The following DMD variants were observed in gnomAD, a reference collection of about 807,000 sequenced individuals.
DMD encodes the protein dystrophin.
Under a neutral mutation model 330.1 loss-of-function variants are expected in DMD, and 63 were observed. The observed-to-expected ratio is 0.19, with a 90% CI of 0.16 to 0.24. The LOEUF (loss-of-function observed/expected upper bound fraction) is 0.24, where lower values mean the gene tolerates loss of function less well. Ranked by LOEUF, DMD falls within the 10% of genes least tolerant of loss-of-function variation. DMD has a pLI of 1.00. For synonymous variants in DMD, 1,223 were observed against 959.8 expected, an observed-to-expected ratio of 1.27 and a Z score of -5.07; for missense variants, 3,344 against 2,684.1, an observed-to-expected ratio of 1.25 and a Z score of -5.43.
chrX:31,200,878 T>C (rs2043361921), intron 67 of DMD, among the ~76,000 whole-genome samples: 1 of 111,651 alleles, frequency 9.0e-6, no homozygotes, highest in Non-Finnish European at 1.9e-5. Context: ...AACATGTTTC[T>C]TTCCCTAAAA....
At chrX:32,048,482 A>T (rs2096079823) in intron 44 of DMD, among the ~76,000 whole-genome samples, 1 of 108,337 alleles carries the variant, frequency 9.2e-6, no homozygotes, top group African/African-American at 3.4e-5. Flanking sequence ...CCTTATCCTG[A>T]CTCATTTCTT....
At chrX:32,658,139 C>T (rs1304642100) in intron 9 of DMD, among the ~76,000 whole-genome samples, 1 of 111,061 alleles carries the variant, frequency 9.0e-6, no homozygotes, top group Non-Finnish European at 1.9e-5. Flanking sequence ...ATAAATATTC[C>T]CATGTAGCCC....
At chrX:33,190,887 AT>A (rs2050525872) in intron 1 of DMD, among the ~76,000 whole-genome samples, 2 of 616 alleles carry the variant, frequency 3.2e-3, no homozygotes, top group South Asian at 0.091. Context: ...ATAATATATA[AT>A]ATTATATATT....
Position 32,705,304 on chromosome X carries a change from C to A in DMD, c.650-6011G>T, listed in dbSNP as rs1191070364. Among the ~76,000 whole-genome samples, 4 of 111,981 alleles carry A rather than the reference C, an allele frequency of 3.6e-5. No individual in the cohort carries two copies. In the East Asian group the frequency reaches 1.1e-3, roughly 31 times the overall value. On this transcript the variant is annotated intron_variant, in intron 7 of 78. Coordinates refer to ENST00000357033, the MANE Select transcript of DMD (RefSeq NM_004006.3). ...TTTACCATTTAGTAACAATGCTTCT[C>A]ATTAAAGGACGGTAAAATGTCATAA...
chrX:32,366,049 T>C (rs1413267058), intron 34 of DMD, among the ~76,000 whole-genome samples: 1 of 112,285 alleles, frequency 8.9e-6, no homozygotes, highest in Non-Finnish European at 1.9e-5. Context: ...CTTATTTCTA[T>C]CCACATACCC....
chrX:31,502,279 C>G (rs1390894962), intron 56 of DMD, among the ~76,000 whole-genome samples: 4 of 111,428 alleles, frequency 3.6e-5, no homozygotes, highest in African/African-American at 1.3e-4. Context: ...TGGGAGCTAT[C>G]TCTTTAAATA....
intron 22 of DMD, 85 bp downstream of exon 22, chrX:32,472,079 A>C (rs2040695067): frequency 9.0e-7 from 1 of 1,108,514 alleles, no homozygotes. Context: ...AGAATGACTT[A>C]AATTCTAATA....
In DMD at chrX:33,210,816, C is replaced by G. The variant is rs2051861649; in HGVS notation, c.31+466G>C. Among the ~76,000 whole-genome samples, 3 of 111,528 alleles carry G rather than the reference C, an allele frequency of 2.7e-5. No individual in the cohort carries two copies. In the South Asian group the frequency reaches 1.1e-3, roughly 41 times the overall value. ...TTTTATCCATGATGTGTCAGAGAAA[C>G]TTTTTCTAACTTTTAGGCCTCCATG... On this transcript the variant is annotated intron_variant, in intron 1 of 78. Transcript: ENST00000357033.
chrX:33,074,954 C>A (rs755613316), intron 1 of DMD, among the ~76,000 whole-genome samples: 1 of 111,554 alleles, frequency 9.0e-6, no homozygotes, highest in Non-Finnish European at 1.9e-5. Context: ...TAGCCCTTCC[C>A]CAAAACTCAA....
chrX:33,339,051 A>G (rs779792547), intron 1 of DMD, among the ~76,000 whole-genome samples: 7 of 110,965 alleles, frequency 6.3e-5, no homozygotes, highest in African/African-American at 1.6e-4. Context: ...TGTTTTCCTG[A>G]GGTTGGAGGC....
chrX:31,599,032 G>A (rs887877687), intron 55 of DMD, among the ~76,000 whole-genome samples: 17 of 111,748 alleles, frequency 1.5e-4, no homozygotes, highest in East Asian at 5.6e-4. Flanking sequence ...AGATTTATGC[G>A]ATGTATAGAA....
At chrX:32,865,495 T>A (rs752881512) in intron 2 of DMD, among the ~76,000 whole-genome samples, 4 of 111,225 alleles carry the variant, frequency 3.6e-5, no homozygotes, top group Non-Finnish European at 5.6e-5. Flanking sequence ...AAGGATCAGA[T>A]GAAATAGACG....
At position 32,348,540 on chromosome X, in the gene DMD, G is replaced by C. The variant is rs774823076; in HGVS notation, c.5326-12C>G. 3 of 1,184,584 alleles carry C rather than the reference G, an allele frequency of 2.5e-6. No individual in the cohort carries two copies. The highest frequency in any genetic ancestry group is 6.0e-5 in the East Asian group (2 of 33,141). On this transcript the variant is annotated splice_polypyrimidine_tract_variant and intron_variant, in intron 37 of 78. Coordinates refer to ENST00000357033, the MANE Select transcript of DMD (RefSeq NM_004006.3). Reference sequence around the variant, plus strand: ...AAAGGAATGGAGGCCTAAAAAAAAAGATAGTGCTACTTTAAATCAAAATTA... The same window carrying C: ...AAAGGAATGGAGGCCTAAAAAAAAACATAGTGCTACTTTAAATCAAAATTA...
intron 61 of DMD, among the ~76,000 whole-genome samples, chrX:31,345,741 C>T (rs1357936381): frequency 9.0e-6 from 1 of 111,309 alleles, no homozygotes; most frequent in Non-Finnish European, 1.9e-5. Context: ...TTTCTAGAGC[C>T]GTTCCTAAAA....
At chrX:32,675,802 G>A (rs899466056) in intron 9 of DMD, among the ~76,000 whole-genome samples, 1 of 111,675 alleles carries the variant, frequency 9.0e-6, no homozygotes, top group African/African-American at 3.2e-5. Flanking sequence ...CTTCTCAATA[G>A]GGTTGTTATA....
intron 50 of DMD, among the ~76,000 whole-genome samples, chrX:31,788,606 A>T (rs1181494809): frequency 9.0e-6 from 1 of 111,457 alleles, no homozygotes; most frequent in Non-Finnish European, 1.9e-5. Flanking sequence ...TAAAGCATAA[A>T]GTCCAATGCA....
intron 29 of DMD, among the ~76,000 whole-genome samples, chrX:32,430,000 A>G (rs183048315): frequency 1.9e-3 from 209 of 111,374 alleles, no homozygotes; most frequent in Non-Finnish European, 2.4e-3. Flanking sequence ...GTAAGGGTCT[A>G]TTGGGGTAAA....
At chrX:32,799,047 C>A (rs746878240) in intron 7 of DMD, among the ~76,000 whole-genome samples, 8 of 111,326 alleles carry the variant, frequency 7.2e-5, no homozygotes, top group African/African-American at 2.6e-4. Context: ...TCTTTTATAG[C>A]AAATTCTATG....
intron 8 of DMD, among the ~76,000 whole-genome samples, 170 bp downstream of exon 8, chrX:32,698,942 C>A (rs781597263): frequency 1.4e-5 from 1 of 73,762 alleles, no homozygotes; most frequent in African/African-American, 5.0e-5. Context: ...GTCAATGAAG[C>A]AAAATTGAAA....
Sources: gnomAD v4.1 joint callset for allele counts (sites outside exome capture counted in the v4.1 genomes callset) on GRCh38, gnomAD v4.1.1 for gene constraint, MANE v1.5 for transcripts, NCBI Gene and HGNC (gene_info 2026-07-23, HGNC 2026-07-21) for gene names.